IL1RAPL1: variants seen among roughly 807,000 people sequenced by gnomAD.
The protein encoded by IL1RAPL1 is interleukin 1 receptor accessory protein like 1.
IL1RAPL1 carries 3 observed loss-of-function variants against 48.4 expected under a neutral mutation model. That is an observed-to-expected ratio of 0.06 (90% CI 0.03 to 0.16). The LOEUF is 0.16. Ranked by LOEUF, IL1RAPL1 falls within the 10% of genes least tolerant of loss-of-function variation. The probability of loss-of-function intolerance (pLI) is 1.00; values close to 1 mark genes in which losing one functional copy is unlikely to be tolerated. For missense variants in IL1RAPL1, 349 were observed against 530.6 expected, an observed-to-expected ratio of 0.66 and a Z score of 3.36; for synonymous variants, 185 against 187.7, an observed-to-expected ratio of 0.99 and a Z score of 0.12.
At chrX:28,696,554 G>T (rs1303319138) in intron 1 of IL1RAPL1, among the ~76,000 whole-genome samples, 2 of 111,255 alleles carry the variant, frequency 1.8e-5, no homozygotes, top group East Asian at 2.8e-4. Context: ...ACAAAGAAAA[G>T]ATAAATGTTT....
At chrX:28,670,090 C>G (rs1330703122) in intron 1 of IL1RAPL1, among the ~76,000 whole-genome samples, 1 of 111,219 alleles carries the variant, frequency 9.0e-6, no homozygotes, top group South Asian at 3.7e-4. Flanking sequence ...TTTGCCCAAG[C>G]CTGAGGACTT....
chrX:29,435,129 C>T (rs990728927), intron 5 of IL1RAPL1, among the ~76,000 whole-genome samples: 5 of 111,187 alleles, frequency 4.5e-5, no homozygotes, highest in Admixed American at 3.8e-4. Context: ...CATTTATCAG[C>T]GCTCTATTCC....
intron 5 of IL1RAPL1, among the ~76,000 whole-genome samples, chrX:29,664,391 G>A (rs1389077220): frequency 1.1e-5 from 1 of 88,442 alleles, no homozygotes; most frequent in Non-Finnish European, 2.1e-5. Context: ...GCAACAGAGC[G>A]AGACTCCGTC....
intron 2 of IL1RAPL1, among the ~76,000 whole-genome samples, chrX:28,805,268 T>A (rs751069553): frequency 2.0e-3 from 219 of 110,443 alleles, no homozygotes; most frequent in Admixed American, 3.5e-3. Context: ...AGGTGGAAGG[T>A]AATTCCAGCT....
chrX:29,611,827 C>T (rs1285686193), intron 5 of IL1RAPL1, among the ~76,000 whole-genome samples: 2 of 110,444 alleles, frequency 1.8e-5, no homozygotes, highest in South Asian at 4.0e-4. Context: ...ATGGGGAGCT[C>T]GAAAGGGTAT....
chrX:29,236,984 T>C (rs1931321998), intron 2 of IL1RAPL1, among the ~76,000 whole-genome samples: 1 of 110,680 alleles, frequency 9.0e-6, no homozygotes, highest in Non-Finnish European at 1.9e-5. Context: ...AAATTGGCCT[T>C]CAGTAAAATC....
chrX:29,799,791 T>C (rs1316479081), intron 6 of IL1RAPL1, among the ~76,000 whole-genome samples: 1 of 111,606 alleles, frequency 9.0e-6, no homozygotes, highest in Non-Finnish European at 1.9e-5. Context: ...GAAATACATT[T>C]TTAAAAAGCA....
Position 29,488,031 on chromosome X carries a change from C to T in IL1RAPL1, c.703+88723C>T, listed in dbSNP as rs1284548449. Among the ~76,000 whole-genome samples the T allele has an allele frequency of 5.3e-5, 6 of 112,226 alleles. No individual in the cohort carries two copies. In the East Asian group the frequency reaches 1.4e-3, roughly 26 times the overall value. ...AGGGGTATATAGATCAGAACCAAGT[C>T]CTTTCCTAAGCCTGTGTCTTTATTT... On this transcript the variant is annotated intron_variant, in intron 5 of 10. Coordinates refer to ENST00000378993, the MANE Select transcript of IL1RAPL1 (RefSeq NM_014271.4).
intron 3 of IL1RAPL1, among the ~76,000 whole-genome samples, chrX:29,287,199 A>T (rs1417232259): frequency 9.0e-6 from 1 of 111,684 alleles, no homozygotes; most frequent in Non-Finnish European, 1.9e-5. Flanking sequence ...ATAGAACCTT[A>T]TGGAATTGGA....
intron 2 of IL1RAPL1, among the ~76,000 whole-genome samples, chrX:29,281,814 T>C (rs1454993543): frequency 8.9e-6 from 1 of 112,163 alleles, no homozygotes; most frequent in Non-Finnish European, 1.9e-5. Flanking sequence ...ATTAGTTTGC[T>C]CAGGCTGCCG....
intron 1 of IL1RAPL1, among the ~76,000 whole-genome samples, chrX:28,630,186 T>TG (rs1186859149): frequency 9.0e-6 from 1 of 111,647 alleles, no homozygotes; most frequent in African/African-American, 3.3e-5. Context: ...TCGACTTTTT[T>TG]TTTGTTTGTT....
chrX:28,693,493 T>C (rs1477805331), intron 1 of IL1RAPL1, among the ~76,000 whole-genome samples: 1 of 112,435 alleles, frequency 8.9e-6, no homozygotes, highest in Non-Finnish European at 1.9e-5. Flanking sequence ...AAATTGTTGA[T>C]TATTAGAAAT....
At chrX:29,328,642 TAGAG>T (rs372684157) in intron 3 of IL1RAPL1, among the ~76,000 whole-genome samples, 5,840 of 103,927 alleles carry the variant, frequency 0.056, 385 homozygotes, top group African/African-American at 0.18. Context: ...TATATATATA[TAGAG>T]AGAGAGAGAG....
At chrX:29,505,380 G>GT (rs201216970) in intron 5 of IL1RAPL1, among the ~76,000 whole-genome samples, 2,995 of 110,487 alleles carry the variant, frequency 0.027, 125 homozygotes, top group African/African-American at 0.092. Flanking sequence ...TTGCATGTTA[G>GT]TTTTTTTTCA....
At chrX:29,637,980 C>T (rs1435995386) in intron 5 of IL1RAPL1, among the ~76,000 whole-genome samples, 1 of 111,992 alleles carries the variant, frequency 8.9e-6, no homozygotes, top group Non-Finnish European at 1.9e-5. Flanking sequence ...TATTGACATA[C>T]TTTTAGAATG....
intron 2 of IL1RAPL1, among the ~76,000 whole-genome samples, chrX:29,080,924 T>C (rs1045222635): frequency 4.6e-4 from 31 of 67,890 alleles, no homozygotes; most frequent in Non-Finnish European, 5.4e-4. Context: ...TTTAAATATT[T>C]TTTCTTTCTT....
intron 5 of IL1RAPL1, among the ~76,000 whole-genome samples, chrX:29,650,000 C>A (rs1316073149): frequency 9.0e-6 from 1 of 111,444 alleles, no homozygotes; most frequent in Non-Finnish European, 1.9e-5. Context: ...ATTTTAAAAT[C>A]TTTATTTCTA....
At chrX:29,934,180 C>T (rs1244693502) in intron 8 of IL1RAPL1, among the ~76,000 whole-genome samples, 1 of 111,752 alleles carries the variant, frequency 8.9e-6, no homozygotes, top group Non-Finnish European at 1.9e-5. Flanking sequence ...TGAAGAACTT[C>T]TGGTTTGGAA....
chrX:28,599,562 G>A (rs1045107720), intron 1 of IL1RAPL1, among the ~76,000 whole-genome samples: 1 of 111,264 alleles, frequency 9.0e-6, no homozygotes, highest in African/African-American at 3.3e-5. Flanking sequence ...ACTAACCACT[G>A]TCCTTCAGTC....
Sources: gnomAD v4.1 joint callset for allele counts (sites outside exome capture counted in the v4.1 genomes callset) on GRCh38, gnomAD v4.1.1 for gene constraint, MANE v1.5 for transcripts, NCBI Gene and HGNC (gene_info 2026-07-23, HGNC 2026-07-21) for gene names.